C12orf50: variants seen among roughly 807,000 people sequenced by gnomAD.
C12orf50 encodes the protein uncharacterized protein C12orf50.
In C12orf50, 35 loss-of-function variants were observed where a neutral mutation model predicts 61.6. The observed-to-expected ratio is 0.57, with a 90% CI of 0.43 to 0.75. The LOEUF (loss-of-function observed/expected upper bound fraction) is 0.75, where lower values mean the gene tolerates loss of function less well. Ranked by LOEUF, C12orf50 falls within the 30% of genes least tolerant of loss-of-function variation. The pLI, the probability that C12orf50 is intolerant of heterozygous loss-of-function variation, is 0.00. For synonymous variants in C12orf50, 178 were observed against 161.5 expected, an observed-to-expected ratio of 1.10 and a Z score of -0.77; for missense variants, 475 against 488.5, an observed-to-expected ratio of 0.97 and a Z score of 0.26.
intron 7 of C12orf50, among the ~76,000 whole-genome samples, chr12:87,994,118 T>C (rs2031266520): frequency 6.6e-6 from 1 of 151,924 alleles, no homozygotes; most frequent in South Asian, 2.1e-4. Context: ...GAGAATAGCT[T>C]GAACTCGGGA....
At chr12:87,999,839 T>G (rs1260116855) in intron 3 of C12orf50, among the ~76,000 whole-genome samples, 1 of 151,778 alleles carries the variant, frequency 6.6e-6, no homozygotes, top group African/African-American at 2.4e-5. Flanking sequence ...TGGAGTGCTA[T>G]CTGGCTATAA....
intron 3 of C12orf50, among the ~76,000 whole-genome samples, chr12:88,010,462 A>T: frequency 8.5e-6 from 1 of 117,598 alleles, no homozygotes; most frequent in East Asian, 2.1e-4. Flanking sequence ...GATTAAAATT[A>T]TTATAATCTT....
At position 87,985,902 on chromosome 12, in the gene C12orf50, C is replaced by A. The variant is rs1375750207; in HGVS notation, c.1074G>T (p.Gly358=). 3 of 1,613,572 alleles carry A rather than the reference C, an allele frequency of 1.9e-6. No homozygotes were observed. The Admixed American group carries it at 5.0e-5, about 27-fold the overall frequency. ...TGTTAGCATGGACTTTATTGTAGGA[C>A]CCATGCGTGGGCCTGCTGCGGGAAG... is the stretch of plus-strand genomic sequence containing the variant. The part of the protein sequence containing the change: ...NAPSRSRPTH[G]SYNKVHANRE... The change falls in exon 11 of 13, where the codon GGG becomes GGT. Residue 358 remains glycine, a synonymous_variant. Transcript: ENST00000298699.
At chr12:88,008,204 T>A (rs1244509435) in intron 3 of C12orf50, among the ~76,000 whole-genome samples, 2 of 152,158 alleles carry the variant, frequency 1.3e-5, no homozygotes, top group African/African-American at 4.8e-5. Flanking sequence ...TTCCTGATCC[T>A]CTCCCTCCTC....
intron 3 of C12orf50, among the ~76,000 whole-genome samples, chr12:88,025,206 G>C (rs1327034708): frequency 6.6e-6 from 1 of 152,144 alleles, no homozygotes; most frequent in Non-Finnish European, 1.5e-5. Context: ...CAATGTCTTA[G>C]AGTAGACAAG....
At position 88,026,608 on chromosome 12, in the gene C12orf50, G is replaced by T; in HGVS notation, c.13C>A (p.Gln5Lys). Residue 5 changes from glutamine to lysine, a missense_variant and splice_region_variant, in exon 3 of 13, where the codon CAA becomes AAA. Physicochemically the swap from Gln to Lys is moderately conservative, Grantham distance 53. Coordinates refer to ENST00000298699, the MANE Select transcript of C12orf50 (RefSeq NM_152589.3). MEMQQNCSISCFWET... is the reference protein window; with the variant it reads MEMQKNCSISCFWET... ...CAGAAGCATGAAATGCTGCAGTTTT[G>T]CTAGATAAAAGGAGATTGGGGGAAA... The T allele has an allele frequency of 6.2e-7, 1 of 1,612,712 alleles. No homozygotes were observed. Among genetic ancestry groups the T allele is most frequent in the Non-Finnish European group, 8.5e-7 (1 of 1,179,880 alleles).
rs1461245029 is a variant in C12orf50 at position 87,989,272 on chromosome 12, T to G, written c.692A>C (p.Asn231Thr). The G allele has an allele frequency of 2.5e-6, 4 of 1,597,728 alleles. No homozygotes were observed. In the South Asian group the frequency reaches 4.4e-5, roughly 18 times the overall value. Residue 231 changes from asparagine (N) to threonine (T), a missense_variant, in exon 8 of 13, where the codon AAT (asparagine) becomes ACT (threonine). Coordinates refer to ENST00000298699, the MANE Select transcript of C12orf50 (RefSeq NM_152589.3). ...EKEITISKCS[N>T]TKDNKDSPHP... The stretch of plus-strand genomic sequence containing the variant: ...TATATAATATTCATTACCTTTAGTA[T>G]TTGAACATTTTGATATGGTGATTTC...
Position 88,023,234 on chromosome 12 carries a change from G to C in C12orf50, c.133+3254C>G, listed in dbSNP as rs145328625. Among the ~76,000 whole-genome samples the C allele has an allele frequency of 3.3e-5, 5 of 149,850 alleles. No homozygotes were observed. In the East Asian group the frequency reaches 9.7e-4, roughly 29 times the overall value. ...CTGCAACCATCTAATCTTTGACAAA[G>C]GTGACAAAAATAAGAAACAGGGAGA... On this transcript the variant is annotated intron_variant, in intron 3 of 12. Transcript: ENST00000298699.
intron 3 of C12orf50, among the ~76,000 whole-genome samples, chr12:88,004,004 A>G (rs924959833): frequency 1.3e-5 from 2 of 151,676 alleles, no homozygotes; most frequent in African/African-American, 2.4e-5. Flanking sequence ...CTTCAAATCT[A>G]CTGGTTCTTT....
At chr12:88,011,992 A>G (rs1375284948) in intron 3 of C12orf50, among the ~76,000 whole-genome samples, 1 of 152,212 alleles carries the variant, frequency 6.6e-6, no homozygotes, top group Non-Finnish European at 1.5e-5. Flanking sequence ...TTATAGTTTG[A>G]AATTGGCCGT....
At position 88,028,414 on chromosome 12, in the gene C12orf50, C is replaced by T. The variant is rs572658211; in HGVS notation, c.-109+926G>A. On this transcript the variant is annotated intron_variant, in intron 1 of 12. Transcript: ENST00000298699. ...GATTATTTCTTGCATGAGCACAAAG[C>T]TCCAAATATTGAGTTTCTACCTTTA... is the stretch of plus-strand genomic sequence containing the variant. Among the ~76,000 whole-genome samples, 10 of 152,278 alleles carry T rather than the reference C, an allele frequency of 6.6e-5. No individual in the cohort carries two copies. The South Asian group carries it at 1.7e-3, about 25-fold the overall frequency.
intron 3 of C12orf50, among the ~76,000 whole-genome samples, chr12:88,016,536 A>G (rs2032318128): frequency 6.6e-6 from 1 of 152,220 alleles, no homozygotes; most frequent in African/African-American, 2.4e-5. Flanking sequence ...AGTTCAATAC[A>G]TATTTCAGCT....
At chr12:88,001,590 G>C (rs1044871774) in intron 3 of C12orf50, among the ~76,000 whole-genome samples, 1 of 150,580 alleles carries the variant, frequency 6.6e-6, no homozygotes, top group Non-Finnish European at 1.5e-5. Context: ...TTAAATGTTG[G>C]TTACAATTCA....
At chr12:88,016,403 G>T (rs559938527) in intron 3 of C12orf50, among the ~76,000 whole-genome samples, 5 of 152,090 alleles carry the variant, frequency 3.3e-5, no homozygotes, top group African/African-American at 1.2e-4. Context: ...CCCCAGTTTT[G>T]GTTATTATGG....
chr12:88,008,547 A>G (rs2031979400), intron 3 of C12orf50, among the ~76,000 whole-genome samples: 3 of 152,118 alleles, frequency 2.0e-5, no homozygotes, highest in Non-Finnish European at 4.4e-5. Context: ...TAACAGAAGG[A>G]AATAAAGAAT....
At chr12:88,001,412 G>A (rs1403456086) in intron 3 of C12orf50, among the ~76,000 whole-genome samples, 6 of 151,504 alleles carry the variant, frequency 4.0e-5, no homozygotes, top group Non-Finnish European at 7.4e-5. Flanking sequence ...CAGATTTAGT[G>A]TAATCGAATT....
At chr12:87,991,090 A>G (rs961285732) in intron 7 of C12orf50, among the ~76,000 whole-genome samples, 6 of 152,136 alleles carry the variant, frequency 3.9e-5, no homozygotes, top group Non-Finnish European at 8.8e-5. Flanking sequence ...AGGAATAAGG[A>G]CTATACCTTC....
intron 7 of C12orf50, among the ~76,000 whole-genome samples, 192 bp downstream of exon 7, chr12:87,994,441 G>A (rs192052479): frequency 6.6e-6 from 1 of 152,012 alleles, no homozygotes; most frequent in Admixed American, 6.6e-5. Flanking sequence ...CTTATACACT[G>A]AACACAAATT....
chr12:88,020,909 G>A (rs533818855), intron 3 of C12orf50, among the ~76,000 whole-genome samples: 6 of 152,116 alleles, frequency 3.9e-5, no homozygotes, highest in Admixed American at 3.9e-4. Flanking sequence ...CAATTACATG[G>A]AAATTAAACA....
Sources: allele counts gnomAD v4.1 joint callset (sites outside exome capture counted in the v4.1 genomes callset), GRCh38; gene constraint gnomAD v4.1.1; transcripts MANE v1.5; gene names NCBI Gene and HGNC (gene_info 2026-07-23, HGNC 2026-07-21).